The following RFX4 variants were observed in gnomAD, a reference collection of about 807,000 sequenced individuals.
RFX4 encodes transcription factor RFX4.
Under a neutral mutation model 95.0 loss-of-function variants are expected in RFX4, and 10 were observed. The observed-to-expected ratio is 0.11, with a 90% CI of 0.06 to 0.18. RFX4 has a LOEUF of 0.18. RFX4 is among the 10% of genes least tolerant of loss of function. The probability of loss-of-function intolerance (pLI) is 1.00; values close to 1 mark genes in which losing one functional copy is unlikely to be tolerated. For synonymous variants in RFX4, 321 were observed against 340.7 expected (o/e 0.94, Z 0.64); for missense variants, 640 against 922.0 (o/e 0.69, Z 3.96).
chr12:106,692,761 CTAA>C (rs1229708036), intron 7 of RFX4, among the ~76,000 whole-genome samples: 2 of 151,988 alleles, frequency 1.3e-5, no homozygotes, highest in African/African-American at 4.8e-5. Flanking sequence ...TCCTTTCTGC[CTAA>C]TAATGTTTCC....
At chr12:106,584,728 G>A (rs2039428681) in intron 1 of RFX4, among the ~76,000 whole-genome samples, 2 of 152,344 alleles carry the variant, frequency 1.3e-5, no homozygotes, top group East Asian at 1.9e-4. Flanking sequence ...CTGGTGGCCC[G>A]GACACCGGAC....
At chr12:106,629,648 A>AT (rs1039543319) in intron 2 of RFX4, among the ~76,000 whole-genome samples, 11 of 151,838 alleles carry the variant, frequency 7.2e-5, no homozygotes, top group African/African-American at 2.4e-4. Flanking sequence ...TGCCTGGCTA[A>AT]TTTTTTTATA....
chr12:106,598,438 A>C (rs1365441539), intron 1 of RFX4, among the ~76,000 whole-genome samples: 1 of 152,014 alleles, frequency 6.6e-6, no homozygotes, highest in Non-Finnish European at 1.5e-5. Flanking sequence ...TCTTACGTGC[A>C]CTTATAGATA....
At chr12:106,647,126 C>T (rs2040763149) in intron 3 of RFX4, among the ~76,000 whole-genome samples, 1 of 152,142 alleles carries the variant, frequency 6.6e-6, no homozygotes, top group Non-Finnish European at 1.5e-5. Flanking sequence ...GGTAAACTGT[C>T]AGTTTCTTAA....
At chr12:106,611,103 C>T (rs1041015128) in intron 2 of RFX4, among the ~76,000 whole-genome samples, 1 of 152,094 alleles carries the variant, frequency 6.6e-6, no homozygotes, top group Non-Finnish European at 1.5e-5. Context: ...TGCTTATTCA[C>T]CATTTGCATA....
chr12:106,671,116 T>C (rs2041271866), intron 4 of RFX4, among the ~76,000 whole-genome samples: 1 of 152,194 alleles, frequency 6.6e-6, no homozygotes. Context: ...CCCACAACTC[T>C]CATTTTTAAA....
intron 15 of RFX4, among the ~76,000 whole-genome samples, chr12:106,741,595 T>G (rs2042804654): frequency 6.6e-6 from 1 of 152,106 alleles, no homozygotes; most frequent in African/African-American, 2.4e-5. Context: ...TAGCCACGAG[T>G]GGCTATAGGA....
At chr12:106,651,860 T>C (rs1301343774) in intron 3 of RFX4, among the ~76,000 whole-genome samples, 2 of 152,148 alleles carry the variant, frequency 1.3e-5, no homozygotes, top group African/African-American at 4.8e-5. Flanking sequence ...GTCCTGAATT[T>C]TAAAAATTGG....
intron 2 of RFX4, among the ~76,000 whole-genome samples, chr12:106,610,075 G>T (rs370390049): frequency 1.3e-5 from 2 of 151,880 alleles, no homozygotes; most frequent in Admixed American, 1.3e-4. Context: ...CCTTTTAAGT[G>T]TTGATGAATA....
rs1362184324 is a variant in RFX4, at chr12:106,689,497, T to G, written c.669+133T>G. The G allele has an allele frequency of 4.5e-5, 32 of 712,430 alleles. No homozygotes were observed. The East Asian group carries it at 8.0e-4, about 18-fold the overall frequency. The allele number at this position is 712,430 out of a possible 1,614,324, so 44.1% of individuals were successfully genotyped here. A position where few individuals can be genotyped will look rare whatever the true frequency, so the allele number is the denominator to read the frequency against. ...CTTCCTGGATACCCATTAGCTCACT[T>G]CATCCTCATGAGATCCCATGAAGCA... On this transcript the variant is annotated intron_variant, in intron 7 of 17. Coordinates refer to ENST00000392842, the MANE Select transcript of RFX4 (RefSeq NM_213594.3).
chr12:106,652,365 C>T (rs953471965), intron 3 of RFX4, among the ~76,000 whole-genome samples: 4 of 152,150 alleles, frequency 2.6e-5, no homozygotes, highest in South Asian at 2.1e-4. Flanking sequence ...ATATCCCCAG[C>T]GCCTGGCAGG....
intron 7 of RFX4, among the ~76,000 whole-genome samples, chr12:106,691,009 T>C (rs1469512223): frequency 6.6e-6 from 1 of 152,242 alleles, no homozygotes; most frequent in Non-Finnish European, 1.5e-5. Flanking sequence ...TAAAACACAG[T>C]TGATAGGATG....
chr12:106,704,842 C>A (rs140056224), intron 8 of RFX4, among the ~76,000 whole-genome samples: 2 of 151,166 alleles, frequency 1.3e-5, no homozygotes, highest in Non-Finnish European at 2.9e-5. Context: ...TGTGTGTGTG[C>A]GCGTGTGTGT....
intron 17 of RFX4, among the ~76,000 whole-genome samples, chr12:106,760,171 C>T (rs1475646820): frequency 3.3e-5 from 5 of 152,198 alleles, no homozygotes; most frequent in African/African-American, 1.2e-4. Context: ...TCTCTCTCCT[C>T]CTCGCTGCTC....
In RFX4 at chr12:106,761,418, T is replaced by C. The variant is rs370326317; in HGVS notation, c.2157T>C (p.Phe719=). ...CTGAATATGAGCACATGCAACACTT[T>C]CCTGGCTTTGCTTACATCAACGGAG... The part of the protein sequence containing the change: ...RNSEYEHMQH[F]PGFAYINGEA... Residue 719 remains phenylalanine, a synonymous_variant, in exon 18 of 18, where the codon TTT becomes TTC. Transcript: ENST00000392842. 18 of 1,614,004 alleles carry C rather than the reference T, an allele frequency of 1.1e-5. No homozygotes were observed. The African/African-American group carries it at 2.0e-4, about 18-fold the overall frequency.
chr12:106,650,917 A>G (rs961583852), intron 3 of RFX4, among the ~76,000 whole-genome samples: 1 of 152,104 alleles, frequency 6.6e-6, no homozygotes, highest in Non-Finnish European at 1.5e-5. Context: ...TTCCTATAGC[A>G]TCCCGGAAGC....
chr12:106,755,870 A>ACT (rs61671097), intron 17 of RFX4, among the ~76,000 whole-genome samples: 69 of 152,350 alleles, frequency 4.5e-4, no homozygotes, highest in African/African-American at 1.5e-3. Flanking sequence ...GCACAAAAGT[A>ACT]ACTGAAACTA....
chr12:106,738,160 C>A (rs2042746421), intron 15 of RFX4, among the ~76,000 whole-genome samples: 1 of 152,176 alleles, frequency 6.6e-6, no homozygotes, highest in Non-Finnish European at 1.5e-5. Context: ...AATAATCCTG[C>A]CCAAATATCC....
At chr12:106,624,937 G>C (rs547319590) in intron 2 of RFX4, among the ~76,000 whole-genome samples, 2 of 152,298 alleles carry the variant, frequency 1.3e-5, no homozygotes, top group African/African-American at 4.8e-5. Context: ...TGTGATTTCA[G>C]AGAAGTCAAG....
Sources: gnomAD v4.1 joint callset for allele counts (sites outside exome capture counted in the v4.1 genomes callset) on GRCh38, gnomAD v4.1.1 for gene constraint, MANE v1.5 for transcripts, NCBI Gene and HGNC (gene_info 2026-07-23, HGNC 2026-07-21) for gene names.